The following ENTPD5 variants were observed in gnomAD, a reference collection of about 807,000 sequenced individuals.
ENTPD5 encodes the protein ectonucleoside triphosphate diphosphohydrolase 5 (inactive).
ENTPD5 carries 49 observed loss-of-function variants against 60.2 expected under a neutral mutation model. The observed-to-expected ratio is 0.81, with a 90% CI of 0.65 to 1.03. The LOEUF (loss-of-function observed/expected upper bound fraction) is 1.03. Among genes scored for constraint, ENTPD5 ranks in the 50% least tolerant of loss-of-function variants. The pLI, the probability that ENTPD5 is intolerant of heterozygous loss-of-function variation, is 0.00. For synonymous variants in ENTPD5, 187 were observed against 185.4 expected, an observed-to-expected ratio of 1.01 and a Z score of -0.07; for missense variants, 480 against 507.6, an observed-to-expected ratio of 0.95 and a Z score of 0.52.
chr14:73,986,929 T>G, intron 4 of ENTPD5, 36 bp from the exon 5 acceptor site: 6 of 1,554,526 alleles, frequency 3.9e-6, no homozygotes, highest in Non-Finnish European at 5.3e-6. Context: ...AAGAGAGAGC[T>G]GGTTACCAAA....
intron 6 of ENTPD5, among the ~76,000 whole-genome samples, chr14:73,981,631 C>A (rs2057694916): frequency 6.6e-6 from 1 of 151,790 alleles, no homozygotes; most frequent in Non-Finnish European, 1.5e-5. Flanking sequence ...TGGTGAAACC[C>A]TATGTCTACA....
chr14:73,972,233 G>T (rs2057259793), intron 13 of ENTPD5, among the ~76,000 whole-genome samples: 1 of 152,064 alleles, frequency 6.6e-6, no homozygotes, highest in African/African-American at 2.4e-5. Context: ...AATTAGCCGG[G>T]TGTGGTGGCA....
downstream of ENTPD5, chr14:73,958,886 G>C (rs946894944): frequency 8.9e-6 from 14 of 1,576,796 alleles, no homozygotes; most frequent in Non-Finnish European, 1.2e-5. Context: ...ATCAGAGCTG[G>C]AGGAAACTTT....
downstream of ENTPD5, chr14:73,963,007 T>C: frequency 1.2e-6 from 2 of 1,603,592 alleles, no homozygotes; most frequent in Non-Finnish European, 1.7e-6. Context: ...TGAGTACTCC[T>C]CTCCTAAAGA....
intron 2 of ENTPD5, among the ~76,000 whole-genome samples, chr14:74,013,374 G>T (rs187263481): frequency 6.6e-6 from 1 of 152,208 alleles, no homozygotes; most frequent in Admixed American, 6.5e-5. Flanking sequence ...TAGCACCTAG[G>T]GTTTGGGCCA....
chr14:73,998,999 T>C (rs1029720779), intron 3 of ENTPD5, among the ~76,000 whole-genome samples: 4 of 152,110 alleles, frequency 2.6e-5, no homozygotes, highest in African/African-American at 4.8e-5. Flanking sequence ...GGTAGTTACA[T>C]GTAAGGACTG....
At position 74,019,233 on chromosome 14, in the gene ENTPD5, G is replaced by T. The variant is rs1008752823; in HGVS notation, c.-238+17C>A. On this transcript the variant is annotated intron_variant, in intron 1 of 15. Coordinates refer to ENST00000334696, the MANE Select transcript of ENTPD5 (RefSeq NM_001249.5). ...CCCACGTAGAGGATCCGGCGCCGCC[G>T]ACACTCGCACACTCACCGCGCGCGC... 8.7e-5 allele frequency: 16 copies of T among 183,660 alleles called. No homozygotes were observed. Among genetic ancestry groups the T allele is most frequent in the African/African-American group, 3.1e-4 (13 of 41,954 alleles). The allele number at this position is 183,660 out of a possible 1,614,324, so 11.4% of individuals were successfully genotyped here.
chr14:73,994,706 G>A (rs1443821762), intron 3 of ENTPD5, among the ~76,000 whole-genome samples: 2 of 150,484 alleles, frequency 1.3e-5, no homozygotes, highest in South Asian at 2.1e-4. Flanking sequence ...ACTCCAGCCT[G>A]GGCGACAGAG....
intron 12 of ENTPD5, 107 bp downstream of exon 12, chr14:73,973,770 C>A: frequency 1.1e-6 from 1 of 914,322 alleles, no homozygotes; most frequent in Non-Finnish European, 1.7e-6. Flanking sequence ...GAATAAGTCC[C>A]TGCAACAAGA....
intron 3 of ENTPD5, among the ~76,000 whole-genome samples, chr14:74,004,990 T>C (rs780463667): frequency 2.6e-5 from 4 of 152,036 alleles, no homozygotes; most frequent in Admixed American, 6.6e-5. Flanking sequence ...GTATACCATA[T>C]ATATATTTCA....
intron 3 of ENTPD5, chr14:73,996,418 C>G (rs1299206628): frequency 6.5e-6 from 1 of 152,716 alleles, no homozygotes; most frequent in African/African-American, 2.4e-5. Context: ...TTTTGTTAGC[C>G]AAATAGAAAA....
rs2056969859 is a variant in ENTPD5, at chr14:73,966,366, G to A, written c.*562C>T. The A allele has an allele frequency of 6.6e-6, 1 of 152,216 alleles. No homozygotes were observed. The highest frequency in any genetic ancestry group is 1.5e-5 in the Non-Finnish European group (1 of 68,058). 9.4% of individuals were successfully genotyped at this position (152,216 alleles called of 1,614,324 possible). ...CTCTCATCCTATTAATATTTAGGAT[G>A]GCTCTCAGCTGGCTGATTGGAGCTA... On this transcript the variant is annotated 3_prime_UTR_variant, in exon 16 of 16. Coordinates refer to ENST00000334696, the MANE Select transcript of ENTPD5 (RefSeq NM_001249.5).
intron 4 of ENTPD5, 149 bp from the exon 5 acceptor site, chr14:73,987,042 G>A (rs1318767987): frequency 1.4e-6 from 1 of 729,928 alleles, no homozygotes; most frequent in Non-Finnish European, 2.5e-6. Context: ...TCTTGCAGGA[G>A]TACTGGAAAG....
chr14:73,983,498 C>T (rs955076360), intron 5 of ENTPD5, among the ~76,000 whole-genome samples: 1 of 151,744 alleles, frequency 6.6e-6, no homozygotes. Context: ...GTGGCACACA[C>T]CTGTAGTCTC....
At position 74,005,822 on chromosome 14, in the gene ENTPD5, A is replaced by T. The variant is rs144759403; in HGVS notation, c.-71+5269T>A. Among the ~76,000 whole-genome samples, 166 of 151,306 alleles carry T rather than the reference A, an allele frequency of 1.1e-3. 1 individual carries two copies. The highest frequency in any genetic ancestry group is 0.01 in the Middle Eastern group (3 of 294). ...ACTCCATTTCAAAAAAATAAATAAA[A>T]AACAAAACAAATAAACAAACAAAAT... On this transcript the variant is annotated intron_variant, in intron 3 of 15. Coordinates refer to ENST00000334696, the MANE Select transcript of ENTPD5 (RefSeq NM_001249.5).
chr14:74,004,119 T>G (rs62005072), intron 3 of ENTPD5, among the ~76,000 whole-genome samples: 52,550 of 151,652 alleles, frequency 0.35, 10,140 homozygotes, highest in Non-Finnish European at 0.42. Flanking sequence ...AATAAATTAA[T>G]TAAGTAAATA....
chr14:73,967,480 G>A (rs1336297286), intron 15 of ENTPD5, among the ~76,000 whole-genome samples: 1 of 152,190 alleles, frequency 6.6e-6, no homozygotes, highest in Non-Finnish European at 1.5e-5. Context: ...CTCCTACTAT[G>A]TAAGCAAGTG....
At position 74,012,133 on chromosome 14, in the gene ENTPD5, C is replaced by T. The variant is rs564728239; in HGVS notation, c.-130-983G>A. 2.2e-4 allele frequency among the ~76,000 whole-genome samples: 34 copies of T among 152,202 alleles called. No individual in the cohort carries two copies. In the South Asian group the frequency reaches 6.6e-3, roughly 30 times the overall value. ...TATTTTTATTTTTTTGAGATGGAGT[C>T]TCACTCTGTCATCCAGGCTGGAGTG... On this transcript the variant is annotated intron_variant, in intron 2 of 15. Coordinates refer to ENST00000334696, the MANE Select transcript of ENTPD5 (RefSeq NM_001249.5).
rs555761856 is a variant in ENTPD5 at position 73,986,845 on chromosome 14, C to A, written c.266G>T (p.Gly89Val). ...EGEVFDSVKP[G>V]LSAFVDQPKQ... is the part of the protein sequence containing the mutation. Reference sequence around the variant, plus strand: ...AGGTTGATCTACAAAAGCAGAAAGTCCTGGCTTCACAGAATCAAAAACTTC... The same window carrying A: ...AGGTTGATCTACAAAAGCAGAAAGTACTGGCTTCACAGAATCAAAAACTTC... Residue 89 changes from glycine (G) to valine (V), a missense_variant, in exon 5 of 16, where the codon GGA (glycine) becomes GTA (valine). Coordinates refer to ENST00000334696, the MANE Select transcript of ENTPD5 (RefSeq NM_001249.5). 10 of 1,614,090 alleles carry A rather than the reference C, an allele frequency of 6.2e-6. No individual in the cohort carries two copies. The South Asian group carries it at 1.1e-4, about 18-fold the overall frequency.
Sources: allele counts gnomAD v4.1 joint callset (sites outside exome capture counted in the v4.1 genomes callset), GRCh38; gene constraint gnomAD v4.1.1; transcripts MANE v1.5; gene names NCBI Gene and HGNC (gene_info 2026-07-23, HGNC 2026-07-21).